LONP2: variants seen among roughly 807,000 people sequenced by gnomAD.
The protein encoded by LONP2 is lon peptidase 2, peroxisomal.
LONP2 carries 60 observed loss-of-function variants against 85.6 expected under a neutral mutation model. The ratio of observed to expected loss-of-function variants is 0.70; its 90% CI spans 0.57 to 0.87. The LOEUF (loss-of-function observed/expected upper bound fraction) is 0.87. Among genes scored for constraint, LONP2 ranks in the 40% least tolerant of loss-of-function variants. LONP2 has a pLI of 0.00. For synonymous variants in LONP2, 395 were observed against 389.7 expected (o/e 1.01, Z -0.16); for missense variants, 860 against 1,063.5 (o/e 0.81, Z 2.66).
At chr16:48,346,938 G>T (rs1959983532) in intron 12 of LONP2, among the ~76,000 whole-genome samples, 2 of 151,990 alleles carry the variant, frequency 1.3e-5, no homozygotes, top group South Asian at 4.2e-4. Flanking sequence ...ATCACTTGAG[G>T]TCAGGAGTTT....
rs1326003303 is a variant in LONP2, at chr16:48,353,805, A to T, written c.*2003A>T. On this transcript the variant is annotated 3_prime_UTR_variant, in exon 15 of 15. Transcript: ENST00000285737. ...GTTCCACCCAGCAGGGGCAACAAGG[A>T]TATAACTTGGGGTTCTCGGTATTCT... 6.6e-6 allele frequency: 1 copy of T among 152,164 alleles called. No individual in the cohort carries two copies. Among genetic ancestry groups the T allele is most frequent in the East Asian group, 1.9e-4 (1 of 5,186 alleles). The allele number at this position is 152,164 out of a possible 1,614,324, so 9.4% of individuals were successfully genotyped here. A position where few individuals can be genotyped will look rare whatever the true frequency, so the allele number is the denominator to read the frequency against.
rs1350889859 is a variant in LONP2 at position 48,244,630 on chromosome 16, G to A, written c.233+9G>A. The A allele has an allele frequency of 2.2e-5, 30 of 1,356,356 alleles. No individual in the cohort carries two copies. Among genetic ancestry groups the A allele is most frequent in the Non-Finnish European group, 2.8e-5 (30 of 1,058,340 alleles). The allele number at this position is 1,356,356 out of a possible 1,614,324, so 84.0% of individuals were successfully genotyped here. On this transcript the variant is annotated intron_variant, in intron 1 of 14. Coordinates refer to ENST00000285737, the MANE Select transcript of LONP2 (RefSeq NM_031490.5). ...CTGCCGCCGCTGCACAGGTAGGCCT[G>A]GCTGCCCCCGCGGCGGCGGCGGGCG...
intron 11 of LONP2, among the ~76,000 whole-genome samples, chr16:48,326,901 GAGA>G (rs1235887520): frequency 2.6e-5 from 4 of 152,210 alleles, no homozygotes; most frequent in Admixed American, 2.0e-4. Flanking sequence ...AAAATGAATA[GAGA>G]AGAACAGTTG....
At chr16:48,302,776 A>G (rs1972833832) in intron 10 of LONP2, among the ~76,000 whole-genome samples, 1 of 152,252 alleles carries the variant, frequency 6.6e-6, no homozygotes. Context: ...TTCTTTCAGT[A>G]GTATTTCAAA....
Position 48,347,594 on chromosome 16 carries a change from CG to C in LONP2, c.2027del (p.Arg676GlnfsTer8). 1.2e-6 allele frequency: 2 copies of C among 1,614,206 alleles called. No homozygotes were observed. On this transcript the variant is annotated frameshift_variant, in exon 13 of 15. Transcript: ENST00000285737. LOFTEE classifies it high-confidence loss of function. Reference protein sequence around the residue: ...GGEIMFVEASRMDGEGQLTLT... With the variant: ...GGEIMFVEASXMDGEGQLTLT... ...AGAAATCATGTTCGTGGAGGCGAGT[CG>C]AATGGATGGCGAGGGCCAGTTAACT...
intron 3 of LONP2, among the ~76,000 whole-genome samples, chr16:48,257,269 C>T (rs1596912113): frequency 6.6e-6 from 1 of 152,162 alleles, no homozygotes; most frequent in East Asian, 1.9e-4. Flanking sequence ...CAAGATTGCA[C>T]CACTGCACTC....
intron 12 of LONP2, chr16:48,344,622 A>C (rs1357729799): frequency 6.6e-6 from 1 of 152,212 alleles, no homozygotes; most frequent in Admixed American, 6.5e-5. Flanking sequence ...ATGGTAATCA[A>C]TAAGAATCTT....
At chr16:48,272,633 T>C (rs1409716567) in intron 7 of LONP2, among the ~76,000 whole-genome samples, 1 of 152,226 alleles carries the variant, frequency 6.6e-6, no homozygotes, top group Non-Finnish European at 1.5e-5. Flanking sequence ...GAGGCTGTGA[T>C]TGTTGCCGAG....
At chr16:48,290,588 G>A (rs1972539893) in intron 8 of LONP2, among the ~76,000 whole-genome samples, 1 of 150,348 alleles carries the variant, frequency 6.7e-6, no homozygotes, top group South Asian at 2.1e-4. Flanking sequence ...CAGAACTCAG[G>A]GAAACAATTT....
intron 11 of LONP2, among the ~76,000 whole-genome samples, chr16:48,310,454 C>T (rs1001117326): frequency 2.6e-5 from 4 of 151,964 alleles, no homozygotes; most frequent in South Asian, 2.1e-4. Flanking sequence ...CAAGTTCAAG[C>T]GATTCCCTTG....
rs1361179773 is a variant in LONP2, at chr16:48,356,526, A to AG, written c.*4724_*4725insG. On this transcript the variant is annotated 3_prime_UTR_variant, in exon 15 of 15. Coordinates refer to ENST00000285737, the MANE Select transcript of LONP2 (RefSeq NM_031490.5). ...TATCCAGCAGCTAAAAAAAAAAAAA[A>AG]AAAAAAAGACTACAGTTAGTCATTA... The AG allele has an allele frequency of 6.4e-6, 1 of 156,412 alleles. No individual in the cohort carries two copies. The highest frequency in any genetic ancestry group is 1.4e-5 in the Non-Finnish European group (1 of 70,212). The allele number at this position is 156,412 out of a possible 1,614,324, so 9.7% of individuals were successfully genotyped here.
chr16:48,347,434 C>T (rs1181598624), intron 12 of LONP2, 73 bp from the exon 13 acceptor site: 1 of 1,465,776 alleles, frequency 6.8e-7, no homozygotes, highest in Non-Finnish European at 9.5e-7. Flanking sequence ...TCAGCCGACT[C>T]TTGCAGGATT....
intron 1 of LONP2, among the ~76,000 whole-genome samples, chr16:48,251,596 C>T (rs574055909): frequency 6.6e-6 from 1 of 152,144 alleles, no homozygotes; most frequent in South Asian, 2.1e-4. Context: ...GTGTTAAGGG[C>T]ATATATATAA....
At chr16:48,293,787 G>C (rs923970235) in intron 8 of LONP2, among the ~76,000 whole-genome samples, 24 of 152,184 alleles carry the variant, frequency 1.6e-4, no homozygotes, top group Admixed American at 5.2e-4. Flanking sequence ...TACAAAGACA[G>C]AGGGAAGGCT....
intron 8 of LONP2, among the ~76,000 whole-genome samples, chr16:48,293,147 G>A (rs1008349571): frequency 5.3e-5 from 8 of 152,164 alleles, no homozygotes; most frequent in Admixed American, 3.9e-4. Flanking sequence ...AATTTTTTCC[G>A]GCCAGGCATG....
intron 6 of LONP2, among the ~76,000 whole-genome samples, chr16:48,263,917 G>C (rs1046866280): frequency 1.3e-5 from 2 of 152,140 alleles, no homozygotes; most frequent in Admixed American, 6.6e-5. Context: ...CTGGGTGTCT[G>C]GGGGAGACAT....
At chr16:48,312,565 T>G (rs1169842045) in intron 11 of LONP2, among the ~76,000 whole-genome samples, 3 of 152,148 alleles carry the variant, frequency 2.0e-5, no homozygotes. Flanking sequence ...ATAGCCTTGG[T>G]TATAAAGTAG....
chr16:48,321,406 C>G (rs1364624050), intron 11 of LONP2, among the ~76,000 whole-genome samples: 1 of 152,184 alleles, frequency 6.6e-6, no homozygotes, highest in East Asian at 1.9e-4. Flanking sequence ...TGCAAACTTT[C>G]TTGTCTGGTA....
At chr16:48,257,900 G>T (rs1971793268) in intron 3 of LONP2, among the ~76,000 whole-genome samples, 1 of 152,206 alleles carries the variant, frequency 6.6e-6, no homozygotes, top group Non-Finnish European at 1.5e-5. Flanking sequence ...GTGAGAGTTG[G>T]TTGAGTGCTT....
Sources: gnomAD v4.1 joint callset for allele counts (sites outside exome capture counted in the v4.1 genomes callset) on GRCh38, gnomAD v4.1.1 for gene constraint, MANE v1.5 for transcripts, NCBI Gene and HGNC (gene_info 2026-07-23, HGNC 2026-07-21) for gene names.